The following NCOR2 variants were observed in gnomAD, a reference collection of about 807,000 sequenced individuals.
NCOR2 encodes CTG repeat protein 26.
NCOR2 carries 81 observed loss-of-function variants against 262.9 expected under a neutral mutation model. The ratio of observed to expected loss-of-function variants is 0.31; its 90% CI spans 0.26 to 0.37. The LOEUF is 0.37. Among genes scored for constraint, NCOR2 ranks in the 10% least tolerant of loss-of-function variants. The probability of loss-of-function intolerance (pLI) is 1.00; values close to 1 mark genes in which losing one functional copy is unlikely to be tolerated. For synonymous variants in NCOR2, 1,659 were observed against 1,559.3 expected, an observed-to-expected ratio of 1.06 and a Z score of -1.51; for missense variants, 3,385 against 3,621.4, an observed-to-expected ratio of 0.93 and a Z score of 1.68.
intron 5 of NCOR2, among the ~76,000 whole-genome samples, chr12:124,463,332 G>A (rs1265489736): frequency 4.6e-5 from 7 of 152,110 alleles, no homozygotes; most frequent in African/African-American, 4.8e-5. Context: ...CGGCCCACCC[G>A]CTGCCTCCAA....
chr12:124,469,577 G>A (rs1163586662), intron 4 of NCOR2, among the ~76,000 whole-genome samples: 1 of 152,202 alleles, frequency 6.6e-6, no homozygotes, highest in Non-Finnish European at 1.5e-5. Context: ...AGCTAAGAGG[G>A]TGACTAGCTC....
intron 7 of NCOR2, among the ~76,000 whole-genome samples, chr12:124,439,183 A>G (rs1774673579): frequency 7.3e-6 from 1 of 136,996 alleles, no homozygotes; most frequent in Non-Finnish European, 1.6e-5. Context: ...AGACCCAGAG[A>G]GAGAGAGACG....
intron 20 of NCOR2, among the ~76,000 whole-genome samples, chr12:124,369,849 G>A (rs763012663): frequency 5.3e-5 from 8 of 152,146 alleles, no homozygotes; most frequent in Non-Finnish European, 1.2e-4. Flanking sequence ...CAGGGGAGAG[G>A]ACGGGAGGCT....
exon 11 of NCOR2, chr12:124,426,702 C>T (rs559965106): frequency 6.2e-7 from 1 of 1,611,858 alleles, no homozygotes; most frequent in East Asian, 2.2e-5. Flanking sequence ...TGGGGTCGGC[C>T]ATAAGCCCGT....
intron 1 of NCOR2, among the ~76,000 whole-genome samples, chr12:124,565,243 C>T (rs2052197810): frequency 6.6e-6 from 1 of 152,096 alleles, no homozygotes; most frequent in African/African-American, 2.4e-5. Flanking sequence ...GGGCCTGCTG[C>T]GCTCCCGCCC....
rs140547442 is a variant in NCOR2, at chr12:124,528,064, C to T, written c.-118+7501G>A. On this transcript the variant is annotated intron_variant, in intron 1 of 46. Transcript: ENST00000404621. ...GGCCTCCTGAGGTTTCACTGCGGAA[C>T]AGACGTCATCCCTTCCACGACTGCC... 1.3e-3 allele frequency among the ~76,000 whole-genome samples: 205 copies of T among 151,984 alleles called. 2 individuals carry two copies. Among genetic ancestry groups the T allele is most frequent in the Non-Finnish European group, 2.6e-3 (177 of 67,800 alleles).
rs564798328 is a variant in NCOR2 at position 124,353,038 on chromosome 12, C to G, written c.3693+1055G>C. Reference sequence around the variant, plus strand: ...CTCACTATCTGGTAGTGAGACTGCACGGAAGTTTGACCCTTGCCTATCTCA... The same window carrying G: ...CTCACTATCTGGTAGTGAGACTGCAGGGAAGTTTGACCCTTGCCTATCTCA... On this transcript the variant is annotated intron_variant, in intron 27 of 46. Coordinates refer to ENST00000405201, the Ensembl canonical transcript of NCOR2. 7.2e-5 allele frequency among the ~76,000 whole-genome samples: 11 copies of G among 152,312 alleles called. No individual in the cohort carries two copies. The East Asian group carries it at 1.9e-3, about 27-fold the overall frequency.
At position 124,481,290 on chromosome 12, in the gene NCOR2, T is replaced by A. The variant is rs1288230266; in HGVS notation, c.411+2306A>T. Among the ~76,000 whole-genome samples, 1 of 152,002 alleles carries A rather than the reference T, an allele frequency of 6.6e-6. No homozygotes were observed. The highest frequency in any genetic ancestry group is 6.6e-5 in the Admixed American group (1 of 15,266). On this transcript the variant is annotated intron_variant, in intron 3 of 46. Coordinates refer to ENST00000405201, the Ensembl canonical transcript of NCOR2. The surrounding 1 kb of genome is among the most constrained non-coding windows in gnomAD (Gnocchi z 4.6). ...CGAGGGGGCAGTGCCCGAGAGGAAC[T>A]GGCATCGACACCAGTCCCAAGCCCA...
At chr12:124,475,630 C>T (rs1253657261) in intron 3 of NCOR2, among the ~76,000 whole-genome samples, 2 of 152,240 alleles carry the variant, frequency 1.3e-5, no homozygotes, top group East Asian at 3.8e-4. Flanking sequence ...TTTACAAAAA[C>T]ACACTGAGGG....
chr12:124,369,406 C>G (rs1040145325), intron 20 of NCOR2, among the ~76,000 whole-genome samples: 2 of 152,244 alleles, frequency 1.3e-5, no homozygotes, highest in South Asian at 2.1e-4. Flanking sequence ...AGAGCTCCCC[C>G]ACTGGGGCTG....
chr12:124,409,546 T>C (rs1172141183), intron 13 of NCOR2, among the ~76,000 whole-genome samples: 1 of 152,080 alleles, frequency 6.6e-6, no homozygotes, highest in African/African-American at 2.4e-5. Context: ...CTCTCTCAAA[T>C]TGCCATGCTG....
At chr12:124,337,383 A>T (rs745679610) in intron 37 of NCOR2, 27 of 732,088 alleles carry the variant, frequency 3.7e-5, no homozygotes, top group Admixed American at 8.0e-5. Context: ...TCCTTGCATC[A>T]TTCCAAAACT....
intron 13 of NCOR2, among the ~76,000 whole-genome samples, chr12:124,403,204 C>T (rs1026798006): frequency 6.6e-6 from 1 of 152,148 alleles, no homozygotes; most frequent in East Asian, 1.9e-4. Context: ...GCCCCTGATT[C>T]CCCAGAGCCC....
intron 8 of NCOR2, 68 bp from the exon 11 acceptor site, chr12:124,430,855 C>T (rs946352783): frequency 5.2e-6 from 8 of 1,526,864 alleles, no homozygotes; most frequent in Middle Eastern, 3.5e-4. Context: ...CCCCCCTGCC[C>T]ACTCACATGC....
intron 24 of NCOR2, chr12:124,355,174 CAGG>C (rs1450993781): frequency 2.4e-5 from 15 of 613,658 alleles, no homozygotes; most frequent in Non-Finnish European, 3.1e-5. Context: ...GTGGGGGAAA[CAGG>C]AGGTTAAGTA....
At chr12:124,335,275 C>T (rs1227868876) in exon 40 of NCOR2, 14 of 1,597,880 alleles carry the variant, frequency 8.8e-6, no homozygotes, top group East Asian at 4.5e-5. Flanking sequence ...CCAAGCTTCA[C>T]GGGGCCTGCA....
At chr12:124,520,448 T>C (rs897990765) in intron 1 of NCOR2, among the ~76,000 whole-genome samples, 1 of 152,152 alleles carries the variant, frequency 6.6e-6, no homozygotes, top group African/African-American at 2.4e-5. Context: ...GACACAGACC[T>C]GCATCCAGAC....
At chr12:124,330,498 T>C (rs1355641133) in intron 44 of NCOR2, among the ~76,000 whole-genome samples, 1 of 152,266 alleles carries the variant, frequency 6.6e-6, no homozygotes, top group Non-Finnish European at 1.5e-5. Flanking sequence ...GCTTGTGCTC[T>C]GAGCTCAGGC....
intron 5 of NCOR2, among the ~76,000 whole-genome samples, chr12:124,460,074 C>T (rs941154389): frequency 2.0e-5 from 3 of 152,206 alleles, no homozygotes; most frequent in African/African-American, 7.2e-5. Flanking sequence ...CCTCCCTCGA[C>T]CACTCGTTTT....
Sources: gnomAD v4.1 joint callset for allele counts (sites outside exome capture counted in the v4.1 genomes callset) on GRCh38, gnomAD v4.1.1 for gene constraint, Gnocchi (gnomAD v3.1) non-coding constraint, MANE v1.5 for transcripts, NCBI Gene and HGNC (gene_info 2026-07-23, HGNC 2026-07-21) for gene names.